Variants in PCDHGA6 observed in about 807,000 individuals in gnomAD.
PCDHGA6 encodes protocadherin gamma-A6.
In PCDHGA6, 41 loss-of-function variants were observed where a neutral mutation model predicts 60.6. The observed-to-expected ratio is 0.68, with a 90% CI of 0.53 to 0.88. The LOEUF (loss-of-function observed/expected upper bound fraction) is 0.88. PCDHGA6 is among the 40% of genes least tolerant of loss of function. The pLI is 0.00. For synonymous variants in PCDHGA6, 594 were observed against 524.4 expected, an observed-to-expected ratio of 1.13 and a Z score of -1.81; for missense variants, 1,312 against 1,203.0, an observed-to-expected ratio of 1.09 and a Z score of -1.34.
At chr5:141,508,806 C>T (rs1243735850) in intron 3 of PCDHGA6, among the ~76,000 whole-genome samples, 1 of 152,066 alleles carries the variant, frequency 6.6e-6, no homozygotes, top group African/African-American at 2.4e-5. Flanking sequence ...AATCCTGGCT[C>T]TTTGAAGCCA....
chr5:141,504,941 T>G (rs2099842166), intron 2 of PCDHGA6, among the ~76,000 whole-genome samples: 1 of 152,046 alleles, frequency 6.6e-6, no homozygotes, highest in East Asian at 1.9e-4. Flanking sequence ...GGTGGGGGAA[T>G]GCACTATGTT....
In PCDHGA6 at chr5:141,432,513, G is replaced by T. The variant is rs755227021; in HGVS notation, c.2424+56006G>T. On this transcript the variant is annotated intron_variant, in intron 1 of 3. Coordinates refer to ENST00000517434, the MANE Select transcript of PCDHGA6 (RefSeq NM_018919.3). The surrounding 1 kb of genome is among the most constrained non-coding windows in gnomAD (Gnocchi z 6.0). ...CTGGCTCCCCGCTCCGCAGAGCCCG[G>T]CTACCTGGTGACCAAGGTGGTGGCG... The T allele has an allele frequency of 3.1e-6, 5 of 1,614,102 alleles. No individual in the cohort carries two copies. Among genetic ancestry groups the T allele is most frequent in the African/African-American group, 2.7e-5 (2 of 75,062 alleles).
At chr5:141,419,757 G>C in intron 1 of PCDHGA6, 1 of 1,613,994 alleles carries the variant, frequency 6.2e-7, no homozygotes, top group Non-Finnish European at 8.5e-7. Flanking sequence ...CGTGCTTTGG[G>C]TGACAAGGAC....
chr5:141,376,672 TA>T, intron 1 of PCDHGA6, 165 bp downstream of exon 1: 1 of 691,294 alleles, frequency 1.4e-6, no homozygotes, highest in Non-Finnish European at 2.3e-6. Flanking sequence ...CAGGTGAGGG[TA>T]TCGTTTTTTT....
Position 141,490,330 on chromosome 5 carries a change from C to G in PCDHGA6, c.2425-4477C>G. 4 of 1,614,198 alleles carry G rather than the reference C, an allele frequency of 2.5e-6. No homozygotes were observed. Among genetic ancestry groups the G allele is most frequent in the South Asian group, 1.1e-5 (1 of 91,082 alleles). On this transcript the variant is annotated intron_variant, in intron 1 of 3. Coordinates refer to ENST00000517434, the MANE Select transcript of PCDHGA6 (RefSeq NM_018919.3). This position sits in a 1 kb window ranked among gnomAD's most constrained non-coding sequence, Gnocchi z 5.4. ...GGCCAACCCTGTCCTAGAGAGCACACCAGTGGGCACAGTAGTGGGGTTGTT... is the reference window on the plus strand; with the variant it reads ...GGCCAACCCTGTCCTAGAGAGCACAGCAGTGGGCACAGTAGTGGGGTTGTT...
At chr5:141,454,567 C>T (rs572130062) in intron 1 of PCDHGA6, among the ~76,000 whole-genome samples, 10 of 150,966 alleles carry the variant, frequency 6.6e-5, no homozygotes, top group South Asian at 2.1e-4. Context: ...CCACCACGCC[C>T]GGCTAATTTT....
chr5:141,404,929 G>A (rs766845913), intron 1 of PCDHGA6: 46 of 1,613,744 alleles, frequency 2.9e-5, no homozygotes, highest in Admixed American at 2.3e-4. Flanking sequence ...CCACTGTCAC[G>A]CTCACAGTAG....
intron 1 of PCDHGA6, chr5:141,421,816 C>T (rs981400135): frequency 1.2e-5 from 19 of 1,613,696 alleles, no homozygotes; most frequent in Non-Finnish European, 1.4e-5. Context: ...AGAGCTAGTA[C>T]TGGAGGGAAG....
intron 1 of PCDHGA6, among the ~76,000 whole-genome samples, chr5:141,443,070 T>C (rs983773796): frequency 6.6e-6 from 1 of 152,244 alleles, no homozygotes; most frequent in African/African-American, 2.4e-5. Flanking sequence ...GAGCGTCTTA[T>C]GACTGAGTGT....
intron 2 of PCDHGA6, among the ~76,000 whole-genome samples, chr5:141,496,391 A>G (rs1473991011): frequency 1.3e-5 from 2 of 151,930 alleles, no homozygotes; most frequent in Admixed American, 6.6e-5. Flanking sequence ...ACCTTACCCT[A>G]CCTCCTCAAT....
In PCDHGA6 at chr5:141,415,757, T is replaced by G. The variant is rs765276447; in HGVS notation, c.2424+39250T>G. The G allele has an allele frequency of 5.6e-3, 7,497 of 1,346,942 alleles. 12 individuals are homozygous for G. The highest frequency in any genetic ancestry group is 0.012 in the East Asian group (422 of 35,004). The allele number at this position is 1,346,942 out of a possible 1,614,324, so 83.4% of individuals were successfully genotyped here. A position where few individuals can be genotyped will look rare whatever the true frequency, so the allele number is the denominator to read the frequency against. ...TTATTAAGGTTTTTTTTTTTTTTTT[T>G]TTTTTTTTTTTTTTTACTTTCTGGT... On this transcript the variant is annotated intron_variant, in intron 1 of 3. Coordinates refer to ENST00000517434, the MANE Select transcript of PCDHGA6 (RefSeq NM_018919.3).
chr5:141,441,861 C>T (rs3805696), intron 1 of PCDHGA6: 35,405 of 342,650 alleles, frequency 0.1, 2,215 homozygotes, highest in African/African-American at 0.17. Context: ...TGCTGCACGC[C>T]GCGGAGCCTG....
intron 1 of PCDHGA6, chr5:141,388,678 C>T (rs1347655255): frequency 5.6e-6 from 9 of 1,613,818 alleles, no homozygotes; most frequent in Non-Finnish European, 7.6e-6. Flanking sequence ...CTACAGGTGA[C>T]TGCCACGGAC....
chr5:141,426,565 T>G, intron 1 of PCDHGA6: 1 of 351,600 alleles, frequency 2.8e-6, no homozygotes, highest in Non-Finnish European at 5.7e-6. Flanking sequence ...AGATCGAGAG[T>G]CACTGTCTTC....
rs754536860 is a variant in PCDHGA6, at chr5:141,432,221, A to G, written c.2424+55714A>G. The G allele has an allele frequency of 2.5e-6, 4 of 1,614,190 alleles. No homozygotes were observed. The South Asian group carries it at 4.4e-5, about 18-fold the overall frequency. ...CGACTGTGAAGAGAACGCCCAGATC[A>G]CTTATTCCCTGGCTGAGAACACCAT... On this transcript the variant is annotated intron_variant, in intron 1 of 3. Coordinates refer to ENST00000517434, the MANE Select transcript of PCDHGA6 (RefSeq NM_018919.3). The surrounding 1 kb of genome is among the most constrained non-coding windows in gnomAD (Gnocchi z 6.0).
chr5:141,415,853 G>GTAGTT, intron 1 of PCDHGA6: 1 of 1,186,350 alleles, frequency 8.4e-7, no homozygotes, highest in Non-Finnish European at 1.1e-6. Context: ...GCAGAACCTT[G>GTAGTT]TAGTTTATAG....
chr5:141,419,830 T>G, intron 1 of PCDHGA6: 1 of 1,614,052 alleles, frequency 6.2e-7, no homozygotes, highest in African/African-American at 1.3e-5. Context: ...TTTCAGCCAC[T>G]GCCACGCTGC....
chr5:141,391,030 G>A (rs2092291091), intron 1 of PCDHGA6: 1 of 152,184 alleles, frequency 6.6e-6, no homozygotes, highest in Non-Finnish European at 1.5e-5. Flanking sequence ...AAAAGACAAT[G>A]TTTTGTGTCT....
chr5:141,491,327 T>C lies in PCDHGA6; in HGVS notation c.2425-3480T>C, dbSNP rs1422115943. ...TCAGACCTTACCCTTTACCTCATTG[T>C]GGCTCTAGCGACCGTCAGTCTCTTA... is the stretch of plus-strand genomic sequence containing the variant. On this transcript the variant is annotated intron_variant, in intron 1 of 3. Coordinates refer to ENST00000517434, the MANE Select transcript of PCDHGA6 (RefSeq NM_018919.3). This position sits in a 1 kb window ranked among gnomAD's most constrained non-coding sequence, Gnocchi z 6.9. 5.6e-6 allele frequency: 9 copies of C among 1,614,098 alleles called. No homozygotes were observed. Among genetic ancestry groups the C allele is most frequent in the Admixed American group, 3.3e-5 (2 of 60,006 alleles).
Sources: allele counts gnomAD v4.1 joint callset (sites outside exome capture counted in the v4.1 genomes callset), GRCh38; gene constraint gnomAD v4.1.1; non-coding constraint Gnocchi (gnomAD v3.1); transcripts MANE v1.5; gene names NCBI Gene and HGNC (gene_info 2026-07-23, HGNC 2026-07-21).